The following USH2A variants were observed in gnomAD, a reference collection of about 807,000 sequenced individuals.
USH2A encodes usherin.
In USH2A, 443 loss-of-function variants were observed where a neutral mutation model predicts 538.9. The ratio of observed to expected loss-of-function variants is 0.82; its 90% confidence interval spans 0.76 to 0.89. The LOEUF is 0.89. Among genes scored for constraint, USH2A ranks in the 40% least tolerant of loss-of-function variants. The pLI is 0.00. For missense variants in USH2A, 6,633 were observed against 6,324.8 expected, an observed-to-expected ratio of 1.05 and a Z score of -1.65; for synonymous variants, 2,413 against 2,273.5, an observed-to-expected ratio of 1.06 and a Z score of -1.75.
intron 3 of USH2A, among the ~76,000 whole-genome samples, chr1:216,369,674 A>G (rs2038663931): frequency 6.6e-6 from 1 of 152,096 alleles, no homozygotes. Flanking sequence ...GAACTTTGGG[A>G]GGCTGAGGCA....
chr1:216,092,582 C>T (rs543802360), intron 22 of USH2A, among the ~76,000 whole-genome samples: 2 of 152,274 alleles, frequency 1.3e-5, no homozygotes, highest in South Asian at 4.1e-4. Flanking sequence ...AAAATTTTCA[C>T]CATCCCTCAG....
At chr1:215,693,322 T>C (rs1658685764) in intron 61 of USH2A, among the ~76,000 whole-genome samples, 1 of 151,984 alleles carries the variant, frequency 6.6e-6, no homozygotes, top group African/African-American at 2.4e-5. Context: ...GGTAGATTAT[T>C]TGTGAGCAAA....
intron 14 of USH2A, among the ~76,000 whole-genome samples, chr1:216,223,852 A>T (rs1026760709): frequency 1.3e-5 from 2 of 152,202 alleles, no homozygotes; most frequent in Admixed American, 1.3e-4. Flanking sequence ...ACCAATTGAG[A>T]TCAATCGGAT....
At chr1:215,933,511 C>G (rs939950590) in intron 38 of USH2A, among the ~76,000 whole-genome samples, 6 of 151,912 alleles carry the variant, frequency 3.9e-5, no homozygotes, top group African/African-American at 1.5e-4. Flanking sequence ...TAGTAAACAT[C>G]AATTCATTAA....
intron 36 of USH2A, among the ~76,000 whole-genome samples, chr1:215,967,901 G>C (rs1345212877): frequency 6.6e-6 from 1 of 152,096 alleles, no homozygotes; most frequent in African/African-American, 2.4e-5. Context: ...TCATCCTTAA[G>C]AGTCCCTGGA....
chr1:215,956,021 G>A (rs1207767993), intron 37 of USH2A, among the ~76,000 whole-genome samples: 1 of 152,146 alleles, frequency 6.6e-6, no homozygotes, highest in Non-Finnish European at 1.5e-5. Flanking sequence ...ATTGGCCCCA[G>A]ATGGCTAGAT....
intron 13 of USH2A, 98 bp downstream of exon 13, chr1:216,246,487 A>T (rs1299167227): frequency 6.6e-7 from 1 of 1,522,416 alleles, no homozygotes; most frequent in African/African-American, 1.4e-5. Flanking sequence ...TTGGAAATAA[A>T]ATTTGTAGAA....
At chr1:216,153,009 G>T (rs887889584) in intron 21 of USH2A, among the ~76,000 whole-genome samples, 2 of 152,098 alleles carry the variant, frequency 1.3e-5, no homozygotes, top group African/African-American at 4.8e-5. Flanking sequence ...TTTCGGCTGG[G>T]GTTAGTCAGA....
chr1:215,758,792 C>T (rs1660890367), intron 57 of USH2A, 40 bp from the exon 58 acceptor site: 2 of 1,596,176 alleles, frequency 1.3e-6, no homozygotes, highest in Non-Finnish European at 8.6e-7. Context: ...TAAGGCCATG[C>T]ACAAGAGACT....
intron 15 of USH2A, among the ~76,000 whole-genome samples, chr1:216,213,095 A>T (rs2035276298): frequency 6.6e-6 from 1 of 152,110 alleles, no homozygotes; most frequent in African/African-American, 2.4e-5. Flanking sequence ...CCTTGGTTAA[A>T]TTTTTGATGC....
chr1:216,298,405 C>T (rs1229874073), intron 9 of USH2A, among the ~76,000 whole-genome samples: 4 of 151,992 alleles, frequency 2.6e-5, no homozygotes, highest in Non-Finnish European at 5.9e-5. Context: ...TAACGTCAGC[C>T]CAAAAGCCAT....
At chr1:216,251,798 A>C (rs961328101) in intron 11 of USH2A, among the ~76,000 whole-genome samples, 1 of 152,106 alleles carries the variant, frequency 6.6e-6, no homozygotes, top group African/African-American at 2.4e-5. Context: ...TGTTTTGTAC[A>C]TGCTAGGTAT....
At position 216,323,622 on chromosome 1, in the gene USH2A, T is replaced by C; in HGVS notation, c.1402A>G (p.Asn468Asp). 6.2e-7 allele frequency: 1 copy of C among 1,613,578 alleles called. No homozygotes were observed. Among genetic ancestry groups the C allele is most frequent in the Non-Finnish European group, 8.5e-7 (1 of 1,179,736 alleles). Residue 468 changes from asparagine (N) to aspartate (D), a missense_variant, in exon 8 of 72, where the codon AAT (asparagine) becomes GAT (aspartate). By Grantham distance (23) the Asn-to-Asp change is conservative. Coordinates refer to ENST00000307340, the MANE Select transcript of USH2A (RefSeq NM_206933.4). ...TPGPNYRPGY[N>D]NFYNTPSLQE... ...AGAGATGGGGTATTATAGAAGTTATTGTATCCAGGACGATAATTTGGTCCA... is the reference window on the plus strand; with the variant it reads ...AGAGATGGGGTATTATAGAAGTTATCGTATCCAGGACGATAATTTGGTCCA...
chr1:216,239,224 A>C (rs1280521848), intron 13 of USH2A, among the ~76,000 whole-genome samples: 2 of 152,200 alleles, frequency 1.3e-5, no homozygotes, highest in Non-Finnish European at 2.9e-5. Context: ...GAATATGTGC[A>C]GACTATATCT....
chr1:215,816,869 CGTG>C, intron 48 of USH2A, 125 bp downstream of exon 48: 1 of 1,026,940 alleles, frequency 9.7e-7, no homozygotes, highest in Non-Finnish European at 1.5e-6. Flanking sequence ...CTTTCTTTTC[CGTG>C]GAGTCTTCTT....
At chr1:216,036,732 C>T (rs1475327505) in intron 32 of USH2A, among the ~76,000 whole-genome samples, 3 of 152,058 alleles carry the variant, frequency 2.0e-5, no homozygotes, top group Non-Finnish European at 4.4e-5. Flanking sequence ...GTAGATGTTT[C>T]AGTTTGCAAA....
chr1:215,849,187 CAG>C (rs1663949823), intron 44 of USH2A, among the ~76,000 whole-genome samples: 1 of 152,114 alleles, frequency 6.6e-6, no homozygotes, highest in African/African-American at 2.4e-5. Context: ...CCTTCCAAGG[CAG>C]AAGTTTTGTG....
At chr1:216,070,442 A>G in intron 29 of USH2A, 150 bp from the exon 30 acceptor site, 1 of 759,136 alleles carries the variant, frequency 1.3e-6, no homozygotes, top group South Asian at 1.6e-5. Context: ...GCATTGATTT[A>G]ATATGACTGC....
chr1:215,870,222 T>C (rs1043695593), intron 43 of USH2A, among the ~76,000 whole-genome samples: 1 of 152,176 alleles, frequency 6.6e-6, no homozygotes, highest in African/African-American at 2.4e-5. Context: ...ACATTTGTCT[T>C]TTGTACTTTA....
Sources: gnomAD v4.1 joint callset for allele counts (sites outside exome capture counted in the v4.1 genomes callset) on GRCh38, gnomAD v4.1.1 for gene constraint, MANE v1.5 for transcripts, NCBI Gene and HGNC (gene_info 2026-07-23, HGNC 2026-07-21) for gene names.